TPTE: variants seen among roughly 807,000 people sequenced by gnomAD.
TPTE encodes putative tyrosine-protein phosphatase TPTE.
In TPTE, 59 loss-of-function variants were observed where a neutral mutation model predicts 84.1. That is an observed-to-expected ratio of 0.70 (90% CI 0.57 to 0.87). The LOEUF (loss-of-function observed/expected upper bound fraction) is 0.87, where lower values mean the gene tolerates loss of function less well. Ranked by LOEUF, TPTE falls within the 40% of genes least tolerant of loss-of-function variation. The pLI is 0.00. For missense variants in TPTE, 382 were observed against 659.6 expected (o/e 0.58, Z 4.61); for synonymous variants, 130 against 223.5 (o/e 0.58, Z 3.73).
chr21:10,604,242 CCTT>C (rs1343779643), intron 23 of TPTE, among the ~76,000 whole-genome samples: 76 of 152,292 alleles, frequency 5.0e-4, no homozygotes, highest in Non-Finnish European at 7.9e-4. Flanking sequence ...TCCAAAAAAA[CCTT>C]CTGCCATATT....
In TPTE at chr21:10,554,599, ATTT is replaced by A. The variant is rs1435652160; in HGVS notation, c.233+1884_233+1886del. On this transcript the variant is annotated intron_variant, in intron 8 of 23. Transcript: ENST00000618007. ...TTTTCTATTTTATGTAATATAAGCA[ATTT>A]CTCCCAGGTTGTCTTGCTTTTCACT... 7.2e-5 allele frequency among the ~76,000 whole-genome samples: 11 copies of A among 152,420 alleles called. No individual in the cohort carries two copies. In the East Asian group the frequency reaches 1.5e-3, roughly 21 times the overall value.
chr21:10,566,012 T>A (rs980758885), intron 10 of TPTE, among the ~76,000 whole-genome samples: 10 of 152,304 alleles, frequency 6.6e-5, no homozygotes, highest in Admixed American at 3.9e-4. Context: ...GCAAATGGGA[T>A]CACATCAAGT....
intron 10 of TPTE, among the ~76,000 whole-genome samples, chr21:10,562,781 A>G (rs1264966360): frequency 2.6e-5 from 4 of 152,420 alleles, no homozygotes; most frequent in Admixed American, 6.5e-5. Flanking sequence ...AATAGCCTCA[A>G]AAGGACAAAT....
intron 8 of TPTE, among the ~76,000 whole-genome samples, chr21:10,556,608 G>T (rs1834328544): frequency 6.6e-6 from 1 of 152,312 alleles, no homozygotes; most frequent in African/African-American, 2.4e-5. Context: ...GATTCTTGAG[G>T]AATCGCCACA....
chr21:10,541,264 G>C (rs1600869592), intron 5 of TPTE, 99 bp downstream of exon 5: 1 of 1,532,492 alleles, frequency 6.5e-7, no homozygotes, highest in East Asian at 2.3e-5. Context: ...CTGAGGTCGG[G>C]TGTTCGAGAC....
intron 9 of TPTE, among the ~76,000 whole-genome samples, chr21:10,560,824 G>C (rs1246301400): frequency 3.3e-5 from 5 of 152,300 alleles, no homozygotes; most frequent in Non-Finnish European, 7.3e-5. Flanking sequence ...TGAGAATTTT[G>C]TTTATTAAGA....
At chr21:10,564,989 A>T (rs1414111884) in intron 10 of TPTE, among the ~76,000 whole-genome samples, 1 of 152,310 alleles carries the variant, frequency 6.6e-6, no homozygotes, top group Non-Finnish European at 1.5e-5. Context: ...TAGTACCGGA[A>T]GTCCTAGCTA....
chr21:10,597,988 CTTT>C, intron 20 of TPTE, 24 bp from the exon 21 acceptor site: 1 of 1,611,898 alleles, frequency 6.2e-7, no homozygotes, highest in Non-Finnish European at 8.5e-7. Flanking sequence ...GCCAACCTAA[CTTT>C]TTAATTTCAT....
chr21:10,597,418 T>TC (rs1412952292), intron 20 of TPTE, among the ~76,000 whole-genome samples: 7 of 133,906 alleles, frequency 5.2e-5, no homozygotes, highest in Admixed American at 2.5e-4. Flanking sequence ...TTTTCTTTTT[T>TC]TTTTTTTTTT....
chr21:10,584,337 C>CTTTTTTTTTT (rs58211728), intron 17 of TPTE, among the ~76,000 whole-genome samples: 3 of 143,784 alleles, frequency 2.1e-5, no homozygotes, highest in Admixed American at 6.8e-5. Flanking sequence ...CCTAAACTCA[C>CTTTTTTTTTT]TTTTTTTTTT....
intron 7 of TPTE, among the ~76,000 whole-genome samples, chr21:10,545,453 G>C (rs1346675696): frequency 1.3e-5 from 2 of 152,306 alleles, no homozygotes; most frequent in African/African-American, 4.8e-5. Flanking sequence ...AACCAGAAAA[G>C]TATGTCTCTG....
chr21:10,576,205 T>C (rs1347242048), intron 14 of TPTE: 5 of 167,670 alleles, frequency 3.0e-5, no homozygotes, highest in African/African-American at 1.2e-4. Flanking sequence ...ATAGATTAGA[T>C]AAAGAAAATA....
chr21:10,542,228 C>T (rs940250284), intron 5 of TPTE, among the ~76,000 whole-genome samples, 167 bp from the exon 6 acceptor site: 1 of 152,310 alleles, frequency 6.6e-6, no homozygotes, highest in Non-Finnish European at 1.5e-5. Context: ...CATATAAATC[C>T]TCATTGCTAA....
chr21:10,533,129 A>C (rs555078481), intron 3 of TPTE, among the ~76,000 whole-genome samples: 2 of 152,302 alleles, frequency 1.3e-5, no homozygotes, highest in African/African-American at 4.8e-5. Context: ...ATTCTTCTTT[A>C]GTATGTTCTC....
At chr21:10,532,007 A>G (rs2074186844) in intron 3 of TPTE, among the ~76,000 whole-genome samples, 1 of 152,424 alleles carries the variant, frequency 6.6e-6, no homozygotes, top group African/African-American at 2.4e-5. Context: ...TGGTCCATTG[A>G]TACTTATGGC....
In TPTE at chr21:10,556,183, C is replaced by T. The variant is rs527283966; in HGVS notation, c.234-3311C>T. Among the ~76,000 whole-genome samples, 66 of 152,382 alleles carry T rather than the reference C, an allele frequency of 4.3e-4. No homozygotes were observed. The South Asian group carries it at 0.013, about 30-fold the overall frequency. The stretch of plus-strand genomic sequence containing the variant: ...CATTAGGTGTATCTCCTAATGCTAT[C>T]CCTCCCCCATCCCCCCACCCCATGA... On this transcript the variant is annotated intron_variant, in intron 8 of 23. Coordinates refer to ENST00000618007, the MANE Select transcript of TPTE (RefSeq NM_199261.4).
intron 17 of TPTE, among the ~76,000 whole-genome samples, chr21:10,581,217 A>T (rs1284319133): frequency 6.6e-6 from 1 of 152,312 alleles, no homozygotes; most frequent in African/African-American, 2.4e-5. Context: ...ACAGTACCAT[A>T]CTTAAGAATA....
At chr21:10,576,349 C>T (rs560724585) in intron 14 of TPTE, 243 of 245,442 alleles carry the variant, frequency 9.9e-4, no homozygotes, top group African/African-American at 4.1e-3. Context: ...AGTGCCACAC[C>T]GCGGAAAAGG....
At chr21:10,605,226 G>T (rs1014988886) in intron 23 of TPTE, among the ~76,000 whole-genome samples, 191 bp from the exon 24 acceptor site, 1 of 152,308 alleles carries the variant, frequency 6.6e-6, no homozygotes, top group African/African-American at 2.4e-5. Context: ...CTGATGTGTT[G>T]CTGAAGATTA....
Sources: gnomAD v4.1 joint callset for allele counts (sites outside exome capture counted in the v4.1 genomes callset) on GRCh38, gnomAD v4.1.1 for gene constraint, MANE v1.5 for transcripts, NCBI Gene and HGNC (gene_info 2026-07-23, HGNC 2026-07-21) for gene names.